Variants in KCNAB1 observed in about 807,000 individuals in gnomAD.
KCNAB1 encodes the protein voltage-gated potassium channel subunit beta-1.
KCNAB1 carries 35 observed loss-of-function variants against 64.6 expected under a neutral mutation model. That is an observed-to-expected ratio of 0.54 (90% CI 0.41 to 0.72). The LOEUF (loss-of-function observed/expected upper bound fraction) is 0.72. Ranked by LOEUF, KCNAB1 falls within the 30% of genes least tolerant of loss-of-function variation. The pLI is 0.00. For missense variants in KCNAB1, 401 were observed against 512.9 expected, an observed-to-expected ratio of 0.78 and a Z score of 2.11; for synonymous variants, 177 against 183.8, an observed-to-expected ratio of 0.96 and a Z score of 0.30.
At chr3:156,220,165 C>T (rs1224518245) in intron 1 of KCNAB1, among the ~76,000 whole-genome samples, 1 of 151,994 alleles carries the variant, frequency 6.6e-6, no homozygotes, top group Non-Finnish European at 1.5e-5. Flanking sequence ...GTGAATAGTG[C>T]CGTAATAAAT....
chr3:156,307,716 C>T lies in KCNAB1; in HGVS notation c.276-113900C>T, dbSNP rs58487185. Among the ~76,000 whole-genome samples the T allele has an allele frequency of 6.6e-3, 1,007 of 152,282 alleles. 9 individuals carry two copies. The highest frequency in any genetic ancestry group is 0.023 in the African/African-American group (965 of 41,548). On this transcript the variant is annotated intron_variant, in intron 1 of 13. Transcript: ENST00000490337. ...ATTACTGAAATGTCATTACTCCAAC[C>T]ACGATGGAGCAGGAGTTACAGGGCA... is the stretch of plus-strand genomic sequence containing the variant.
At chr3:156,139,584 G>GGT (rs1714573970) in intron 1 of KCNAB1, among the ~76,000 whole-genome samples, 1 of 55,256 alleles carries the variant, frequency 1.8e-5, no homozygotes, top group South Asian at 8.3e-4. Flanking sequence ...ATTGTACTGT[G>GGT]TTTTTTTTTT....
intron 8 of KCNAB1, among the ~76,000 whole-genome samples, chr3:156,489,206 C>T (rs1715442040): frequency 6.6e-6 from 1 of 151,836 alleles, no homozygotes; most frequent in South Asian, 2.1e-4. Flanking sequence ...GATGAAATCA[C>T]ACAAGTAGTA....
intron 1 of KCNAB1, among the ~76,000 whole-genome samples, chr3:156,177,905 T>G (rs1359275988): frequency 6.6e-6 from 1 of 151,784 alleles, no homozygotes; most frequent in African/African-American, 2.4e-5. Flanking sequence ...GCTCAGCTAA[T>G]TTTTGTATTT....
intron 12 of KCNAB1, among the ~76,000 whole-genome samples, chr3:156,524,944 C>T (rs1718213107): frequency 2.0e-5 from 3 of 151,732 alleles, no homozygotes; most frequent in East Asian, 1.9e-4. Flanking sequence ...TCCTAAGGTC[C>T]GAGTGCAATG....
intron 1 of KCNAB1, among the ~76,000 whole-genome samples, chr3:156,306,047 G>C (rs1721470366): frequency 6.6e-6 from 1 of 152,218 alleles, no homozygotes; most frequent in African/African-American, 2.4e-5. Flanking sequence ...CCTTAAAGTA[G>C]TGAACAGATC....
At chr3:156,198,045 A>G (rs1714068409) in intron 1 of KCNAB1, among the ~76,000 whole-genome samples, 1 of 151,998 alleles carries the variant, frequency 6.6e-6, no homozygotes, top group African/African-American at 2.4e-5. Flanking sequence ...TTTGTTATTT[A>G]CCCAGTAGTC....
At chr3:156,459,767 G>A in intron 4 of KCNAB1, 60 bp from the exon 5 acceptor site, 1 of 1,273,378 alleles carries the variant, frequency 7.9e-7, no homozygotes, top group African/African-American at 1.5e-5. Context: ...TTGTGTTCTG[G>A]ATTGACTCTT....
At chr3:156,418,564 T>C (rs1437061179) in intron 1 of KCNAB1, among the ~76,000 whole-genome samples, 1 of 152,180 alleles carries the variant, frequency 6.6e-6, no homozygotes, top group Non-Finnish European at 1.5e-5. Context: ...GACGTGCCAT[T>C]TGGAATAGCA....
intron 8 of KCNAB1, among the ~76,000 whole-genome samples, chr3:156,500,503 A>G (rs1372938725): frequency 6.6e-6 from 1 of 152,230 alleles, no homozygotes; most frequent in Non-Finnish European, 1.5e-5. Context: ...ACTGCAACCC[A>G]AAGCTCAAGA....
intron 1 of KCNAB1, among the ~76,000 whole-genome samples, chr3:156,262,686 A>G (rs1194683283): frequency 6.6e-6 from 1 of 151,898 alleles, no homozygotes; most frequent in Non-Finnish European, 1.5e-5. Flanking sequence ...AATACCTTAA[A>G]GAAGAGGTGA....
At chr3:156,172,733 A>G (rs116793446) in intron 1 of KCNAB1, among the ~76,000 whole-genome samples, 1,716 of 152,298 alleles carry the variant, frequency 0.011, 31 homozygotes, top group African/African-American at 0.039. Context: ...AGTAGACAAG[A>G]CAAGGGGATA....
intron 1 of KCNAB1, among the ~76,000 whole-genome samples, chr3:156,202,890 A>G (rs1293351752): frequency 6.6e-6 from 1 of 151,982 alleles, no homozygotes; most frequent in African/African-American, 2.4e-5. Flanking sequence ...ACTGAAATAA[A>G]CTCTACTTGG....
intron 1 of KCNAB1, among the ~76,000 whole-genome samples, chr3:156,415,706 G>A (rs1430566880): frequency 6.6e-6 from 1 of 152,006 alleles, no homozygotes; most frequent in Non-Finnish European, 1.5e-5. Context: ...AATTTTCTTT[G>A]CCGATGCAGC....
intron 1 of KCNAB1, among the ~76,000 whole-genome samples, chr3:156,328,398 C>G (rs577541971): frequency 1.3e-5 from 2 of 152,122 alleles, no homozygotes; most frequent in Non-Finnish European, 2.9e-5. Flanking sequence ...ACACCTCTTA[C>G]GGACACTGAT....
chr3:156,502,218 G>T (rs149312064), intron 8 of KCNAB1, among the ~76,000 whole-genome samples: 1 of 152,064 alleles, frequency 6.6e-6, no homozygotes, highest in African/African-American at 2.4e-5. Flanking sequence ...GGGCCAAGAA[G>T]AGCCAAATGA....
At chr3:156,466,398 C>T (rs1036242869) in intron 7 of KCNAB1, among the ~76,000 whole-genome samples, 1 of 152,038 alleles carries the variant, frequency 6.6e-6, no homozygotes, top group African/African-American at 2.4e-5. Flanking sequence ...GGCTTATTTT[C>T]ACTTTTTGGC....
At chr3:156,205,485 A>G (rs1714599678) in intron 1 of KCNAB1, among the ~76,000 whole-genome samples, 1 of 152,234 alleles carries the variant, frequency 6.6e-6, no homozygotes, top group African/African-American at 2.4e-5. Context: ...AAAAAATATG[A>G]GATGAACAGT....
intron 1 of KCNAB1, among the ~76,000 whole-genome samples, chr3:156,338,653 T>A (rs563254834): frequency 6.6e-6 from 1 of 152,064 alleles, no homozygotes; most frequent in South Asian, 2.1e-4. Context: ...CATCCCAGAG[T>A]GTGGTAAATT....
Sources: allele counts gnomAD v4.1 joint callset (sites outside exome capture counted in the v4.1 genomes callset), GRCh38; gene constraint gnomAD v4.1.1; transcripts MANE v1.5; gene names NCBI Gene and HGNC (gene_info 2026-07-23, HGNC 2026-07-21).